COL14A1: variants seen among roughly 807,000 people sequenced by gnomAD.
The protein encoded by COL14A1 is collagen type XIV alpha 1 chain, also known as collagen alpha-1(XIV) chain.
COL14A1 carries 136 observed loss-of-function variants against 230.3 expected under a neutral mutation model. The ratio of observed to expected loss-of-function variants is 0.59; its 90% CI spans 0.51 to 0.68. COL14A1 has a LOEUF of 0.68. Ranked by LOEUF, COL14A1 falls within the 30% of genes least tolerant of loss-of-function variation. The pLI is 0.00. For synonymous variants in COL14A1, 792 were observed against 784.1 expected, an observed-to-expected ratio of 1.01 and a Z score of -0.17; for missense variants, 1,976 against 2,215.8, an observed-to-expected ratio of 0.89 and a Z score of 2.17.
intron 40 of COL14A1, among the ~76,000 whole-genome samples, chr8:120,331,798 C>A (rs1821876327): frequency 6.6e-6 from 1 of 152,234 alleles, no homozygotes; most frequent in African/African-American, 2.4e-5. Flanking sequence ...ATGAAAGATA[C>A]TAATTCATCT....
At chr8:120,130,546 G>C (rs1419798850) in intron 1 of COL14A1, among the ~76,000 whole-genome samples, 1 of 151,662 alleles carries the variant, frequency 6.6e-6, no homozygotes, top group African/African-American at 2.4e-5. Flanking sequence ...AAATCACTGT[G>C]CATTTTATTC....
At chr8:120,291,258 C>G (rs972095375) in intron 34 of COL14A1, among the ~76,000 whole-genome samples, 7 of 151,872 alleles carry the variant, frequency 4.6e-5, no homozygotes, top group African/African-American at 1.5e-4. Context: ...TGAATAGACT[C>G]TAATTTAAGA....
chr8:120,216,031 A>G (rs1393245390), intron 13 of COL14A1, among the ~76,000 whole-genome samples: 2 of 152,206 alleles, frequency 1.3e-5, no homozygotes, highest in Non-Finnish European at 2.9e-5. Context: ...ATTTCAAGTT[A>G]CTTTGTTTTT....
intron 45 of COL14A1, among the ~76,000 whole-genome samples, chr8:120,348,940 T>G (rs1030420484): frequency 6.6e-6 from 1 of 152,234 alleles, no homozygotes; most frequent in African/African-American, 2.4e-5. Context: ...GGAGAGACCT[T>G]GGGTTTCATT....
At chr8:120,136,122 T>C (rs1040816536) in intron 1 of COL14A1, among the ~76,000 whole-genome samples, 50 of 152,124 alleles carry the variant, frequency 3.3e-4, no homozygotes, top group Admixed American at 1.3e-4. Context: ...TTGCACTGGC[T>C]AGGACCTCTA....
At position 120,339,283 on chromosome 8, in the gene COL14A1, G is replaced by A. The variant is rs143067967; in HGVS notation, c.4786-2042G>A. ...TGGGATTACAGGCGTGAGCCACCGC[G>A]CCCTGCCATCTTCTGTCTTTTTTAC... is the stretch of plus-strand genomic sequence containing the variant. On this transcript the variant is annotated intron_variant, in intron 42 of 47. Coordinates refer to ENST00000297848, the MANE Select transcript of COL14A1 (RefSeq NM_021110.4). Among the ~76,000 whole-genome samples, 186 of 152,282 alleles carry A rather than the reference G, an allele frequency of 1.2e-3. 8 individuals are homozygous for A. In the East Asian group the frequency reaches 0.031, roughly 25 times the overall value.
chr8:120,268,384 A>ACAGAGCAGATG (rs1819560816), intron 25 of COL14A1, among the ~76,000 whole-genome samples: 1 of 151,682 alleles, frequency 6.6e-6, no homozygotes. Flanking sequence ...TGCAGATATT[A>ACAGAGCAGATG]CAGAATGCTC....
intron 35 of COL14A1, among the ~76,000 whole-genome samples, 200 bp downstream of exon 35, chr8:120,297,788 A>G (rs560640554): frequency 7.2e-5 from 11 of 151,976 alleles, no homozygotes; most frequent in Non-Finnish European, 1.3e-4. Flanking sequence ...GAACTGCCCA[A>G]CTCAGAGGGT....
chr8:120,355,425 A>T (rs1478750944), intron 45 of COL14A1, among the ~76,000 whole-genome samples: 3 of 149,284 alleles, frequency 2.0e-5, no homozygotes, highest in Non-Finnish European at 3.0e-5. Context: ...TTTCTCTTGG[A>T]GACAGGGTCT....
rs150989657 is a variant in COL14A1 at position 120,289,612 on chromosome 8, A to G, written c.4082A>G (p.His1361Arg). 6.2e-7 allele frequency: 1 copy of G among 1,613,632 alleles called. No homozygotes were observed. The highest frequency in any genetic ancestry group is 8.5e-7 in the Non-Finnish European group (1 of 1,179,830). Reference sequence around the variant, plus strand: ...AAACATCTTACTTTTACCTAGCTACACATTGTTGTCAGTGAGACTTTGGTC... The same window carrying G: ...AAACATCTTACTTTTACCTAGCTACGCATTGTTGTCAGTGAGACTTTGGTC... ...KIFYGSFHKL[H>R]IVVSETLVKV... Residue 1361 changes from histidine (H) to arginine (R), a missense_variant, in exon 34 of 48, where the codon CAC (histidine) becomes CGC (arginine). By Grantham distance (29) the His-to-Arg change is conservative (BLOSUM62 0). This residue lies in a region of COL14A1 where 1,791 missense variants were observed against 2,019.5 expected (regional missense o/e 0.89). Transcript: ENST00000297848.
intron 45 of COL14A1, among the ~76,000 whole-genome samples, chr8:120,349,581 T>C: frequency 7.2e-6 from 1 of 138,010 alleles, no homozygotes; most frequent in Non-Finnish European, 1.5e-5. Context: ...GAGAACTACG[T>C]GAAGAATGCA....
intron 33 of COL14A1, among the ~76,000 whole-genome samples, chr8:120,286,679 T>G (rs1820214513): frequency 6.6e-6 from 1 of 152,006 alleles, no homozygotes; most frequent in African/African-American, 2.4e-5. Context: ...TTGGCTAATT[T>G]TTTGTATTTT....
chr8:120,361,625 A>G (rs1823220247), intron 45 of COL14A1, among the ~76,000 whole-genome samples: 1 of 152,208 alleles, frequency 6.6e-6, no homozygotes, highest in South Asian at 2.1e-4. Context: ...CAATATAATA[A>G]CACAGAAAGC....
In COL14A1 at chr8:120,196,921, T is replaced by C; in HGVS notation, c.567T>C (p.Asp189=). The stretch of plus-strand genomic sequence containing the variant: ...TGGAAAACCTGGTTACAGCATTCGA[T>C]GTGGGCTCAGAGAAGACACGAATTG... ...HFLENLVTAF[D]VGSEKTRIGL... is the part of the protein sequence containing the mutation. The change falls in exon 6 of 48, where the codon GAT becomes GAC. Residue 189 remains aspartate, a synonymous_variant. Coordinates refer to ENST00000297848, the MANE Select transcript of COL14A1 (RefSeq NM_021110.4). 1 of 1,614,042 alleles carries C rather than the reference T, an allele frequency of 6.2e-7. No individual in the cohort carries two copies. The highest frequency in any genetic ancestry group is 8.5e-7 in the Non-Finnish European group (1 of 1,179,960).
At chr8:120,307,262 A>T (rs1820882882) in intron 36 of COL14A1, among the ~76,000 whole-genome samples, 1 of 152,232 alleles carries the variant, frequency 6.6e-6, no homozygotes. Context: ...TTAGGTAGCC[A>T]GCCATAGTTT....
intron 21 of COL14A1, among the ~76,000 whole-genome samples, chr8:120,248,787 C>T (rs1052733926): frequency 1.3e-5 from 2 of 151,944 alleles, no homozygotes; most frequent in African/African-American, 4.8e-5. Context: ...CCAGATAAGT[C>T]AAGGCTGCAG....
At chr8:120,231,997 G>A in intron 19 of COL14A1, 1 of 156,522 alleles carries the variant, frequency 6.4e-6, no homozygotes, top group Admixed American at 6.4e-5. Context: ...TTCTGCCCTT[G>A]GAAATCTGAT....
At chr8:120,237,999 G>C (rs773465873) in intron 19 of COL14A1, among the ~76,000 whole-genome samples, 20 of 152,188 alleles carry the variant, frequency 1.3e-4, no homozygotes, top group Non-Finnish European at 2.1e-4. Context: ...TCATCCCAGA[G>C]GGGCACCTGC....
chr8:120,131,637 A>G (rs1046971391), intron 1 of COL14A1, among the ~76,000 whole-genome samples: 2 of 151,940 alleles, frequency 1.3e-5, no homozygotes, highest in Admixed American at 6.6e-5. Context: ...TACTTTGCAA[A>G]TACTTTCTCC....
Sources: gnomAD v4.1 joint callset for allele counts (sites outside exome capture counted in the v4.1 genomes callset) on GRCh38, gnomAD v4.1.1 for gene constraint, gnomAD v4.1.1 regional missense constraint, MANE v1.5 for transcripts, NCBI Gene and HGNC (gene_info 2026-07-23, HGNC 2026-07-21) for gene names.